SRGAP3: variants seen among roughly 807,000 people sequenced by gnomAD.
SRGAP3 encodes SLIT-ROBO Rho GTPase-activating protein 3.
SRGAP3 carries 39 observed loss-of-function variants against 121.1 expected under a neutral mutation model. The observed-to-expected ratio is 0.32, with a 90% CI of 0.25 to 0.42. SRGAP3 has a LOEUF of 0.42. SRGAP3 is among the 10% of genes least tolerant of loss of function. The pLI is 1.00. For synonymous variants in SRGAP3, 601 were observed against 570.0 expected (o/e 1.05, Z -0.77); for missense variants, 1,213 against 1,470.6 (o/e 0.82, Z 2.86).
At chr3:9,269,324 G>A (rs1954430181) in intron 3 of SRGAP3, among the ~76,000 whole-genome samples, 1 of 152,148 alleles carries the variant, frequency 6.6e-6, no homozygotes. Context: ...GTGCTCCCCG[G>A]CAGTGCTGTA....
At chr3:9,289,158 C>A (rs138881966) in intron 3 of SRGAP3, among the ~76,000 whole-genome samples, 132 of 152,380 alleles carry the variant, frequency 8.7e-4, no homozygotes, top group African/African-American at 2.9e-3. Flanking sequence ...CTCAGCCTCC[C>A]AAAGCGCTGG....
intron 20 of SRGAP3, 90 bp downstream of exon 20, chr3:8,992,816 C>T (rs1574860981): frequency 1.2e-6 from 2 of 1,606,894 alleles, no homozygotes; most frequent in Non-Finnish European, 8.5e-7. Context: ...GCAGTAGGCT[C>T]CTTCTCTCCT....
intron 12 of SRGAP3, among the ~76,000 whole-genome samples, chr3:9,027,314 G>T (rs764616402): frequency 5.9e-5 from 9 of 152,184 alleles, no homozygotes; most frequent in Non-Finnish European, 1.2e-4. Flanking sequence ...GGGGGTGCTG[G>T]AGTCTGGCCT....
At chr3:9,277,354 G>A (rs916226669) in intron 3 of SRGAP3, among the ~76,000 whole-genome samples, 12 of 151,828 alleles carry the variant, frequency 7.9e-5, no homozygotes, top group East Asian at 5.8e-4. Context: ...AATCCCAGCA[G>A]TTTGGGAGGC....
intron 3 of SRGAP3, among the ~76,000 whole-genome samples, chr3:9,283,824 A>C (rs536571428): frequency 1.5e-4 from 23 of 152,348 alleles, no homozygotes; most frequent in African/African-American, 5.3e-4. Context: ...GAAACCAAAC[A>C]AGCACAAATT....
intron 1 of SRGAP3, among the ~76,000 whole-genome samples, chr3:9,344,223 G>A (rs527516401): frequency 6.6e-6 from 1 of 152,320 alleles, no homozygotes; most frequent in South Asian, 2.1e-4. Context: ...GGGAGGCCGA[G>A]GCGGGCGGAT....
rs1944540641 is a variant in SRGAP3 at position 9,032,577 on chromosome 3, C to A, written c.1539+73G>T. 6 of 1,395,804 alleles carry A rather than the reference C, an allele frequency of 4.3e-6. No homozygotes were observed. In the Admixed American group the frequency reaches 1.0e-4, roughly 24 times the overall value. 86.5% of individuals were successfully genotyped at this position (1,395,804 alleles called of 1,614,324 possible). ...GGCCAAGGACAGGGCTGTCTGCTGG[C>A]AGGGAGGCGGGCGGACAGAGGCTGC... is the stretch of plus-strand genomic sequence containing the variant. On this transcript the variant is annotated intron_variant, in intron 12 of 21. Transcript: ENST00000383836.
At chr3:9,019,330 T>C (rs932936683) in intron 14 of SRGAP3, among the ~76,000 whole-genome samples, 1 of 151,998 alleles carries the variant, frequency 6.6e-6, no homozygotes. Flanking sequence ...AGCAACACCA[T>C]CTCAAGAATG....
chr3:9,080,625 T>C (rs1372375100), intron 3 of SRGAP3, among the ~76,000 whole-genome samples: 2 of 152,304 alleles, frequency 1.3e-5, no homozygotes, highest in South Asian at 2.1e-4. Context: ...GATCAGTCCA[T>C]GGCCCACTAA....
chr3:9,211,738 A>T (rs1211663710), intron 1 of SRGAP3, among the ~76,000 whole-genome samples: 1 of 140,138 alleles, frequency 7.1e-6, no homozygotes, highest in Non-Finnish European at 1.5e-5. Flanking sequence ...CACAGTCATG[A>T]CTCACTGCAG....
chr3:9,036,065 G>C (rs1342780757), intron 11 of SRGAP3: 2 of 152,188 alleles, frequency 1.3e-5, no homozygotes, highest in Admixed American at 1.3e-4. Flanking sequence ...TTAAACTTAA[G>C]TGCATTATCA....
intron 3 of SRGAP3, among the ~76,000 whole-genome samples, chr3:9,324,193 G>A (rs1015767896): frequency 1.9e-4 from 29 of 151,972 alleles, no homozygotes; most frequent in African/African-American, 4.3e-4. Flanking sequence ...ACTAAGTTAG[G>A]TTTTCAATTT....
At chr3:8,987,439 T>C (rs1446748595) in intron 21 of SRGAP3, among the ~76,000 whole-genome samples, 2 of 151,904 alleles carry the variant, frequency 1.3e-5, no homozygotes, top group African/African-American at 4.8e-5. Context: ...AAATAAAAAG[T>C]ATGAGTCTGG....
Position 9,062,660 on chromosome 3 carries a change from A to G in SRGAP3, c.672+1736T>C, listed in dbSNP as rs1169423750. On this transcript the variant is annotated intron_variant, in intron 5 of 21. Transcript: ENST00000383836. ...CCGTGACTGACTTCTTTCATTTAGC[A>G]TACTGTTTTCAAGGTTCATCCATGT... Among the ~76,000 whole-genome samples the G allele has an allele frequency of 2.0e-5, 3 of 152,194 alleles. No homozygotes were observed. The East Asian group carries it at 5.8e-4, about 29-fold the overall frequency.
chr3:9,341,650 G>A (rs1354462604), intron 1 of SRGAP3, among the ~76,000 whole-genome samples: 1 of 152,164 alleles, frequency 6.6e-6, no homozygotes, highest in Non-Finnish European at 1.5e-5. Flanking sequence ...GCCACTGATT[G>A]CTACATTTGT....
intron 3 of SRGAP3, among the ~76,000 whole-genome samples, chr3:9,291,942 C>A (rs73023211): frequency 0.017 from 2,635 of 152,248 alleles, 29 homozygotes; most frequent in South Asian, 0.03. Context: ...AATAGAGCCT[C>A]TTCTCTTTGT....
At chr3:9,179,851 C>G (rs1951316323) in intron 1 of SRGAP3, among the ~76,000 whole-genome samples, 1 of 152,264 alleles carries the variant, frequency 6.6e-6, no homozygotes, top group South Asian at 2.1e-4. Context: ...CACATAGCTA[C>G]CAAGTGGGAG....
chr3:9,256,285 C>A (rs1954131290), intron 3 of SRGAP3, among the ~76,000 whole-genome samples: 1 of 152,228 alleles, frequency 6.6e-6, no homozygotes, highest in Admixed American at 6.5e-5. Context: ...CAATTCACAG[C>A]TGAGCCCCAG....
intron 1 of SRGAP3, among the ~76,000 whole-genome samples, chr3:9,211,283 G>A (rs1392051315): frequency 6.6e-6 from 1 of 152,122 alleles, no homozygotes; most frequent in African/African-American, 2.4e-5. Context: ...TACCACATCT[G>A]GTCACAAGAT....
Sources: gnomAD v4.1 joint callset for allele counts (sites outside exome capture counted in the v4.1 genomes callset) on GRCh38, gnomAD v4.1.1 for gene constraint, MANE v1.5 for transcripts, NCBI Gene and HGNC (gene_info 2026-07-23, HGNC 2026-07-21) for gene names.